ANHX: variants seen among roughly 807,000 people sequenced by gnomAD.
ANHX encodes anomalous homeobox protein.
Under a neutral mutation model 38.9 loss-of-function variants are expected in ANHX, and 20 were observed. The ratio of observed to expected loss-of-function variants is 0.51; its 90% CI spans 0.36 to 0.75. ANHX has a LOEUF of 0.75. Among genes scored for constraint, ANHX ranks in the 30% least tolerant of loss-of-function variants. ANHX has a pLI of 0.00. For missense variants in ANHX, 475 were observed against 493.1 expected, an observed-to-expected ratio of 0.96 and a Z score of 0.35; for synonymous variants, 185 against 203.1, an observed-to-expected ratio of 0.91 and a Z score of 0.76.
intron 3 of ANHX, among the ~76,000 whole-genome samples, chr12:133,230,892 T>C (rs567361341): frequency 6.2e-4 from 95 of 152,242 alleles, no homozygotes; most frequent in Non-Finnish European, 1.0e-4. Context: ...GTGATGATGG[T>C]GATAATAAAA....
At chr12:133,220,496 C>A (rs1957093700) in intron 8 of ANHX, among the ~76,000 whole-genome samples, 1 of 152,212 alleles carries the variant, frequency 6.6e-6, no homozygotes, top group South Asian at 2.1e-4. Flanking sequence ...TTAGGGGCTG[C>A]TCCGCCTTTT....
At chr12:133,224,730 C>T (rs144989084) in intron 7 of ANHX, among the ~76,000 whole-genome samples, 3,789 of 148,834 alleles carry the variant, frequency 0.025, 189 homozygotes, top group African/African-American at 0.089. Flanking sequence ...CTTTGGGAGG[C>T]CGAGGCGGGC....
Position 133,231,658 on chromosome 12 carries a change from T to G in ANHX, c.250-14A>C, listed in dbSNP as rs1271752233. On this transcript the variant is annotated splice_polypyrimidine_tract_variant and intron_variant, in intron 2 of 9. Coordinates refer to ENST00000545940, the MANE Select transcript of ANHX (RefSeq NM_001372060.1). ...CACCTGGCACCCCTGCCAAGAAGAGTGTACTGAGCCCTGGCCACCTGCCCA... is the reference window on the plus strand; with the variant it reads ...CACCTGGCACCCCTGCCAAGAAGAGGGTACTGAGCCCTGGCCACCTGCCCA... 4 of 1,535,540 alleles carry G rather than the reference T, an allele frequency of 2.6e-6. No individual in the cohort carries two copies. The highest frequency in any genetic ancestry group is 4.9e-5 in the East Asian group (2 of 40,890).
intron 2 of ANHX, among the ~76,000 whole-genome samples, chr12:133,232,552 C>T (rs977501927): frequency 6.6e-5 from 10 of 152,154 alleles, no homozygotes; most frequent in African/African-American, 9.7e-5. Context: ...CCTGCCCTGA[C>T]GTGGGGGCAG....
At position 133,231,580 on chromosome 12, in the gene ANHX, A is replaced by G; in HGVS notation, c.314T>C (p.Leu105Pro). The G allele has an allele frequency of 6.5e-7, 1 of 1,536,102 alleles. No homozygotes were observed. ...AGCCACGCCCAGCCTCCTCATGACC[A>G]GACGGTAGTGGATGTCGTTCCAGAG... is the stretch of plus-strand genomic sequence containing the variant. ...VQLWNDIHYRLVMRRLGVAAL... is the reference protein window; with the variant it reads ...VQLWNDIHYRPVMRRLGVAAL... Residue 105 changes from leucine to proline, a missense_variant, in exon 3 of 10, where the codon CTG (leucine) becomes CCG (proline). By Grantham distance (98) the Leu-to-Pro change is moderately conservative. Coordinates refer to ENST00000545940, the MANE Select transcript of ANHX (RefSeq NM_001372060.1).
At chr12:133,232,969 C>CG (rs377502132) in intron 2 of ANHX, among the ~76,000 whole-genome samples, 16 of 151,904 alleles carry the variant, frequency 1.1e-4, no homozygotes, top group East Asian at 3.9e-4. Flanking sequence ...AAAGGGGTAA[C>CG]GGGGGGGCAA....
At chr12:133,232,334 G>A (rs937147526) in intron 2 of ANHX, among the ~76,000 whole-genome samples, 3 of 44,338 alleles carry the variant, frequency 6.8e-5, no homozygotes, top group Non-Finnish European at 1.4e-4. Context: ...TCTGCCACAG[G>A]AGTGATCCCT....
intron 7 of ANHX, among the ~76,000 whole-genome samples, chr12:133,223,702 G>A (rs144330606): frequency 3.3e-5 from 5 of 151,716 alleles, no homozygotes; most frequent in Non-Finnish European, 7.4e-5. Flanking sequence ...TGCCTCAGCC[G>A]CCCAAAGTGC....
intron 1 of ANHX, 87 bp from the exon 2 acceptor site, chr12:133,234,465 T>C: frequency 7.0e-7 from 1 of 1,426,738 alleles, no homozygotes; most frequent in East Asian, 2.5e-5. Context: ...GCAAAGCAGG[T>C]GATGCACGGC....
chr12:133,218,863 C>G lies in ANHX; in HGVS notation c.*22G>C. On this transcript the variant is annotated 3_prime_UTR_variant, in exon 10 of 10. Coordinates refer to ENST00000545940, the MANE Select transcript of ANHX (RefSeq NM_001372060.1). Reference sequence around the variant, plus strand: ...ATCCACACCCGCTCCTCCTGGGGTGCTGTCTGGCTCCTGGGGATAGCTCAG... The same window carrying G: ...ATCCACACCCGCTCCTCCTGGGGTGGTGTCTGGCTCCTGGGGATAGCTCAG... The G allele has an allele frequency of 6.8e-7, 1 of 1,480,196 alleles. No homozygotes were observed. Among genetic ancestry groups the G allele is most frequent in the Non-Finnish European group, 9.0e-7 (1 of 1,112,834 alleles). The allele number at this position is 1,480,196 out of a possible 1,614,324, so 91.7% of individuals were successfully genotyped here.
intron 4 of ANHX, 116 bp downstream of exon 4, chr12:133,227,708 A>G: frequency 8.0e-7 from 1 of 1,257,704 alleles, no homozygotes; most frequent in South Asian, 1.5e-5. Context: ...AGGGGCTGAA[A>G]CCACCAGCAC....
chr12:133,225,313 A>G (rs1957175673), intron 7 of ANHX, among the ~76,000 whole-genome samples: 1 of 144,858 alleles, frequency 6.9e-6, no homozygotes, highest in Admixed American at 6.8e-5. Context: ...ATATGCATAC[A>G]TACACACACA....
intron 8 of ANHX, among the ~76,000 whole-genome samples, chr12:133,219,970 G>C (rs1480504830): frequency 1.3e-5 from 2 of 152,176 alleles, no homozygotes; most frequent in African/African-American, 2.4e-5. Context: ...TCGTCATGCA[G>C]AGCGAAGGAA....
At chr12:133,227,209 G>A (rs904290035) in intron 4 of ANHX, 57 bp from the exon 5 acceptor site, 6 of 1,485,488 alleles carry the variant, frequency 4.0e-6, no homozygotes, top group East Asian at 2.5e-5. Flanking sequence ...GACAGGGGGT[G>A]TGCAGAAGTG....
At position 133,229,982 on chromosome 12, in the gene ANHX, C is replaced by T. The variant is rs545414539; in HGVS notation, c.377+1535G>A. 3.9e-5 allele frequency among the ~76,000 whole-genome samples: 6 copies of T among 152,336 alleles called. No homozygotes were observed. The South Asian group carries it at 1.0e-3, about 26-fold the overall frequency. On this transcript the variant is annotated intron_variant, in intron 3 of 9. Coordinates refer to ENST00000545940, the MANE Select transcript of ANHX (RefSeq NM_001372060.1). ...TTCTGCTCACATGGCTGACACATCACCATACTCAAGACTCTCCTCCAAGAC... is the reference window on the plus strand; with the variant it reads ...TTCTGCTCACATGGCTGACACATCATCATACTCAAGACTCTCCTCCAAGAC...
chr12:133,231,510 A>C lies in ANHX; in HGVS notation c.377+7T>G. 14 of 1,536,122 alleles carry C rather than the reference A, an allele frequency of 9.1e-6. No individual in the cohort carries two copies. Among genetic ancestry groups the C allele is most frequent in the Non-Finnish European group, 1.2e-5 (14 of 1,146,894 alleles). ...GAAATATGCACAAGTAAATGCTTGT[A>C]GGTTACCTCTTCCTGCAGCGGAACT... On this transcript the variant is annotated splice_region_variant and intron_variant, in intron 3 of 9. Transcript: ENST00000545940.
At chr12:133,224,740 C>T (rs539219644) in intron 7 of ANHX, among the ~76,000 whole-genome samples, 270 of 147,088 alleles carry the variant, frequency 1.8e-3, no homozygotes, top group Middle Eastern at 7.9e-3. Context: ...CCGAGGCGGG[C>T]GGATCATGAG....
chr12:133,231,133 C>T (rs1957267605), intron 3 of ANHX, among the ~76,000 whole-genome samples: 2 of 152,172 alleles, frequency 1.3e-5, no homozygotes, highest in Non-Finnish European at 2.9e-5. Flanking sequence ...TTGAGCTGTT[C>T]CCACCTGCCC....
chr12:133,234,742 G>A (rs2135582095), intron 1 of ANHX: 1 of 218,608 alleles, frequency 4.6e-6, no homozygotes, highest in African/African-American at 2.2e-5. Context: ...ACATGCACTT[G>A]TTTTAACAGC....
Sources: gnomAD v4.1 joint callset for allele counts (sites outside exome capture counted in the v4.1 genomes callset) on GRCh38, gnomAD v4.1.1 for gene constraint, MANE v1.5 for transcripts, NCBI Gene and HGNC (gene_info 2026-07-23, HGNC 2026-07-21) for gene names.